The following SEMA4F variants were observed in gnomAD, a reference collection of about 807,000 sequenced individuals.
SEMA4F encodes semaphorin-4F.
SEMA4F carries 51 observed loss-of-function variants against 78.4 expected under a neutral mutation model. The observed-to-expected ratio is 0.65, with a 90% CI of 0.52 to 0.82. The LOEUF (loss-of-function observed/expected upper bound fraction) is 0.82, where lower values mean the gene tolerates loss of function less well. Ranked by LOEUF, SEMA4F falls within the 40% of genes least tolerant of loss-of-function variation. The probability of loss-of-function intolerance (pLI) is 0.00; values close to 1 mark genes in which losing one functional copy is unlikely to be tolerated. For synonymous variants in SEMA4F, 418 were observed against 408.7 expected (o/e 1.02, Z -0.27); for missense variants, 938 against 1,014.4 (o/e 0.92, Z 1.02).
intron 5 of SEMA4F, among the ~76,000 whole-genome samples, chr2:74,669,273 G>A (rs1684854154): frequency 6.6e-6 from 1 of 151,942 alleles, no homozygotes; most frequent in Admixed American, 6.6e-5. Flanking sequence ...TCCAGCCTGG[G>A]TGACAAAGTG....
At position 74,663,796 on chromosome 2, in the gene SEMA4F, G is replaced by A. The variant is rs571421202; in HGVS notation, c.550+971G>A. On this transcript the variant is annotated intron_variant, in intron 5 of 13. Transcript: ENST00000357877. ...CACACTAGGTCCACCTCCAACATTG[G>A]AGGTCACATATCAATGTGAGTTTTA... Among the ~76,000 whole-genome samples, 15 of 152,298 alleles carry A rather than the reference G, an allele frequency of 9.8e-5. No homozygotes were observed. The South Asian group carries it at 3.1e-3, about 32-fold the overall frequency.
chr2:74,661,583 A>T (rs1024032173), intron 4 of SEMA4F, among the ~76,000 whole-genome samples: 2 of 152,198 alleles, frequency 1.3e-5, no homozygotes, highest in Non-Finnish European at 2.9e-5. Context: ...GGATGCTCCC[A>T]CTGTCACACA....
chr2:74,704,725 A>G, the SEMA4F span, among the ~76,000 whole-genome samples: 1 of 152,120 alleles, frequency 6.6e-6, no homozygotes, highest in Non-Finnish European at 1.5e-5. Flanking sequence ...GACGTCTCCA[A>G]TAATGCTCCC....
chr2:74,655,526 G>C (rs1423804735), intron 1 of SEMA4F: 1 of 157,710 alleles, frequency 6.3e-6, no homozygotes, highest in Non-Finnish European at 1.4e-5. Flanking sequence ...TAGTAGTTTA[G>C]AGTTTAAATT....
intron 4 of SEMA4F, among the ~76,000 whole-genome samples, chr2:74,660,450 C>T (rs868084749): frequency 6.6e-6 from 1 of 152,240 alleles, no homozygotes; most frequent in South Asian, 2.1e-4. Flanking sequence ...CCTTAAACTC[C>T]TCTTGGCCAA....
At chr2:74,666,529 A>G (rs977128741) in intron 5 of SEMA4F, among the ~76,000 whole-genome samples, 9 of 152,066 alleles carry the variant, frequency 5.9e-5, no homozygotes, top group Admixed American at 1.3e-4. Flanking sequence ...TGGAAACTCT[A>G]TGTCTCTAGC....
the SEMA4F span, among the ~76,000 whole-genome samples, chr2:74,703,983 C>T: frequency 6.6e-6 from 1 of 152,048 alleles, no homozygotes; most frequent in African/African-American, 2.4e-5. Context: ...TAAAGTAGGG[C>T]TTGAGAAGAG....
At chr2:74,665,143 A>G (rs1286381629) in intron 5 of SEMA4F, among the ~76,000 whole-genome samples, 3 of 151,898 alleles carry the variant, frequency 2.0e-5, no homozygotes, top group Non-Finnish European at 4.4e-5. Context: ...GGGACACAAG[A>G]TCTAACAATG....
At position 74,681,192 on chromosome 2, in the gene SEMA4F, A is replaced by G. The variant is rs1468800279; in HGVS notation, c.*983A>G. 5 of 152,680 alleles carry G rather than the reference A, an allele frequency of 3.3e-5. No homozygotes were observed. Among genetic ancestry groups the G allele is most frequent in the African/African-American group, 1.2e-4 (5 of 41,470 alleles). 9.5% of individuals were successfully genotyped at this position (152,680 alleles called of 1,614,324 possible). ...GGGAACAGTCATAGGATATACGAGC[A>G]GTATAAAGATACGTTTGCAATCAGT... On this transcript the variant is annotated 3_prime_UTR_variant, in exon 14 of 14. Transcript: ENST00000357877.
intron 5 of SEMA4F, among the ~76,000 whole-genome samples, chr2:74,672,589 C>G (rs189334772): frequency 8.0e-4 from 122 of 152,298 alleles, no homozygotes; most frequent in African/African-American, 2.7e-3. Flanking sequence ...ATTCATTTTC[C>G]TCCTACTCAT....
chr2:74,662,848 C>T (rs1444357729), intron 5 of SEMA4F, 23 bp downstream of exon 5: 1 of 1,601,676 alleles, frequency 6.2e-7, no homozygotes, highest in Non-Finnish European at 8.6e-7. Flanking sequence ...AGACAAGAAC[C>T]TGTAACTTCT....
chr2:74,669,502 T>A (rs1489521652), intron 5 of SEMA4F, among the ~76,000 whole-genome samples: 3 of 151,830 alleles, frequency 2.0e-5, no homozygotes, highest in African/African-American at 7.3e-5. Context: ...GGAGAATCGC[T>A]TGAACCTGGG....
intron 5 of SEMA4F, among the ~76,000 whole-genome samples, chr2:74,667,907 C>T (rs1684777337): frequency 1.3e-5 from 2 of 152,168 alleles, no homozygotes; most frequent in South Asian, 4.1e-4. Flanking sequence ...CATCTGCCTC[C>T]TGGACATTAC....
Position 74,674,997 on chromosome 2 carries a change from G to A in SEMA4F, c.1111G>A (p.Val371Ile). The change falls in exon 9 of 14, where the codon GTC becomes ATC. Residue 371 changes from valine (V) to isoleucine (I), a missense_variant. Physicochemically the swap from Val to Ile is conservative, Grantham distance 29. Transcript: ENST00000357877. ...LKHDCNRGLP[V>I]VDNDVPQPRP... is the part of the protein sequence containing the mutation. ...ACATGACTGCAACAGAGGACTGCCT[G>A]TCGTGGACAATGATGTGCCCCAGCC... 1 of 1,614,050 alleles carries A rather than the reference G, an allele frequency of 6.2e-7. No homozygotes were observed. Among genetic ancestry groups the A allele is most frequent in the Non-Finnish European group, 8.5e-7 (1 of 1,180,010 alleles).
Position 74,654,256 on chromosome 2 carries a change from C to G in SEMA4F, c.-121C>G. The G allele has an allele frequency of 3.3e-6, 4 of 1,206,680 alleles. No homozygotes were observed. Among genetic ancestry groups the G allele is most frequent in the African/African-American group, 1.6e-5 (1 of 62,384 alleles). The allele number at this position is 1,206,680 out of a possible 1,614,324, so 74.7% of individuals were successfully genotyped here. A position where few individuals can be genotyped will look rare whatever the true frequency, so the allele number is the denominator to read the frequency against. On this transcript the variant is annotated 5_prime_UTR_variant, in exon 1 of 14. Transcript: ENST00000357877. ...GGCGGAGCCGGGCGGTGTTTCATCC[C>G]TCAGCCTCAGGCTGAGCCGGACCGA...
At chr2:74,690,997 C>T in the SEMA4F span, among the ~76,000 whole-genome samples, 1 of 152,254 alleles carries the variant, frequency 6.6e-6, no homozygotes, top group Middle Eastern at 3.4e-3. Flanking sequence ...ACATAGCCAT[C>T]CTATTAGATT....
chr2:74,700,835 C>G, the SEMA4F span, among the ~76,000 whole-genome samples: 1 of 152,174 alleles, frequency 6.6e-6, no homozygotes. Flanking sequence ...AGAGACAGTT[C>G]TAATGGTGTT....
chr2:74,673,813 G>A lies in SEMA4F; in HGVS notation c.807G>A (p.Val269=). Reference sequence around the variant, plus strand: ...ACGAGCGCATTAAAGTCCCACGGGTGGCCCGTGTGTGTGCGGTGAGACCCC... The same window carrying A: ...ACGAGCGCATTAAAGTCCCACGGGTAGCCCGTGTGTGTGCGGTGAGACCCC... ...DSYERIKVPR[V]ARVCAGDLGG... Residue 269 remains valine, a synonymous_variant, in exon 7 of 14, where the codon GTG becomes GTA. Transcript: ENST00000357877. The A allele has an allele frequency of 6.2e-7, 1 of 1,613,818 alleles. No individual in the cohort carries two copies. The highest frequency in any genetic ancestry group is 8.5e-7 in the Non-Finnish European group (1 of 1,179,852).
the SEMA4F span, among the ~76,000 whole-genome samples, chr2:74,707,109 G>A: frequency 3.3e-5 from 5 of 152,122 alleles, no homozygotes; most frequent in Non-Finnish European, 5.9e-5. Flanking sequence ...ATCCTAGATT[G>A]GATTCTGGGT....
Sources: allele counts gnomAD v4.1 joint callset (sites outside exome capture counted in the v4.1 genomes callset), GRCh38; gene constraint gnomAD v4.1.1; transcripts MANE v1.5; gene names NCBI Gene and HGNC (gene_info 2026-07-23, HGNC 2026-07-21).